The following OGDH variants were observed in gnomAD, a reference collection of about 807,000 sequenced individuals.
The protein encoded by OGDH is oxoglutarate dehydrogenase.
A neutral mutation model predicts 116.6 loss-of-function variants in OGDH; 38 were observed. The ratio of observed to expected loss-of-function variants is 0.33; its 90% confidence interval spans 0.25 to 0.43. OGDH has a LOEUF of 0.43. Among genes scored for constraint, OGDH ranks in the 20% least tolerant of loss-of-function variants. The pLI is 1.00. For missense variants in OGDH, 825 were observed against 1,357.2 expected (o/e 0.61, Z 6.16); for synonymous variants, 488 against 533.3 (o/e 0.92, Z 1.17).
chr7:44,632,712 G>A (rs915714299), intron 2 of OGDH, among the ~76,000 whole-genome samples: 4 of 151,836 alleles, frequency 2.6e-5, no homozygotes, highest in African/African-American at 4.8e-5. Context: ...CCGCCTCCCC[G>A]GGTTCAAGTG....
intron 5 of OGDH, 69 bp from the exon 6 acceptor site, chr7:44,673,718 A>T: frequency 6.7e-7 from 1 of 1,491,118 alleles, no homozygotes; most frequent in Non-Finnish European, 9.3e-7. Flanking sequence ...CTGAATGGGC[A>T]GTCGGCAGTC....
intron 2 of OGDH, among the ~76,000 whole-genome samples, chr7:44,626,342 C>CCT (rs1562620008): frequency 2.0e-5 from 3 of 151,016 alleles, no homozygotes; most frequent in Admixed American, 6.6e-5. Context: ...CCCCTACACA[C>CCT]ACACACACAC....
In OGDH at chr7:44,624,456, G is replaced by T; in HGVS notation, c.113G>T (p.Arg38Leu). 1 of 1,613,442 alleles carries T rather than the reference G, an allele frequency of 6.2e-7. No individual in the cohort carries two copies. Among genetic ancestry groups the T allele is most frequent in the South Asian group, 1.1e-5 (1 of 91,010 alleles). Residue 38 changes from arginine (R) to leucine (L), a missense_variant, in exon 2 of 23, where the codon CGG becomes CTG. Arg to Leu is a moderately radical substitution (Grantham distance 102). Transcript: ENST00000222673. ...GCAGCTAGGACATTTCAACAGATTC[G>T]GTGCTATTCTGCACCTGTTGCTGCT... Reference protein sequence around the residue: ...PAAARTFQQIRCYSAPVAAEP... With the variant: ...PAAARTFQQILCYSAPVAAEP...
chr7:44,677,607 G>A (rs1402914488), intron 9 of OGDH, among the ~76,000 whole-genome samples: 6 of 152,040 alleles, frequency 3.9e-5, no homozygotes, highest in African/African-American at 1.2e-4. Context: ...GGTGGCTCAC[G>A]CCTGTAATCC....
At chr7:44,610,913 T>G (rs990583938) in intron 1 of OGDH, among the ~76,000 whole-genome samples, 2 of 152,176 alleles carry the variant, frequency 1.3e-5, no homozygotes. Flanking sequence ...CAGCCCCTTT[T>G]CATCTTCTTA....
At chr7:44,625,458 G>A (rs1469479010) in intron 2 of OGDH, among the ~76,000 whole-genome samples, 1 of 152,146 alleles carries the variant, frequency 6.6e-6, no homozygotes, top group African/African-American at 2.4e-5. Flanking sequence ...CCTTTATTCT[G>A]TTTTGAGCCA....
chr7:44,707,921 C>T lies in OGDH; in HGVS notation c.2994C>T (p.Asn998=). 1 of 1,613,916 alleles carries T rather than the reference C, an allele frequency of 6.2e-7. No individual in the cohort carries two copies. The highest frequency in any genetic ancestry group is 8.5e-7 in the Non-Finnish European group (1 of 1,180,020). The change falls in exon 23 of 23, where the codon AAC becomes AAT. Residue 998 remains asparagine, a synonymous_variant. Transcript: ENST00000222673. The surrounding 1 kb of genome is among the most constrained non-coding windows in gnomAD (Gnocchi z 5.2). ...CAGCGGCTGCTCCAGCCACCGGCAA[C>T]AAGAAGACCCACCTGACGGAGCTGC... ...RDPAAAPATG[N]KKTHLTELQR...
chr7:44,673,659 G>C, intron 5 of OGDH, 128 bp from the exon 6 acceptor site: 1 of 899,282 alleles, frequency 1.1e-6, no homozygotes, highest in Middle Eastern at 2.9e-4. Context: ...AGTCACACTT[G>C]ATTGGAGTAC....
intron 2 of OGDH, among the ~76,000 whole-genome samples, chr7:44,641,180 C>A (rs192852973): frequency 6.1e-4 from 91 of 148,690 alleles, no homozygotes; most frequent in Non-Finnish European, 1.1e-3. Flanking sequence ...GGATTACAAG[C>A]ATGAGCCACC....
chr7:44,661,489 TTTA>T (rs1017533402), intron 4 of OGDH, among the ~76,000 whole-genome samples: 7 of 152,160 alleles, frequency 4.6e-5, no homozygotes, highest in African/African-American at 1.7e-4. Context: ...AGTGTGCCAT[TTTA>T]TTATTTATTT....
intron 2 of OGDH, among the ~76,000 whole-genome samples, chr7:44,632,034 C>T (rs1029396526): frequency 1.3e-5 from 2 of 152,252 alleles, no homozygotes. Context: ...GAGCCAGACG[C>T]AGCAAGAAAA....
intron 1 of OGDH, among the ~76,000 whole-genome samples, chr7:44,618,589 C>T (rs968440336): frequency 2.6e-5 from 4 of 152,112 alleles, no homozygotes; most frequent in African/African-American, 4.8e-5. Context: ...AAGTATTTCT[C>T]CTTGGTTCCT....
chr7:44,702,560 C>A (rs1027890249), intron 20 of OGDH, among the ~76,000 whole-genome samples: 37 of 151,864 alleles, frequency 2.4e-4, no homozygotes, highest in African/African-American at 8.9e-4. Flanking sequence ...GGGTTTTTTC[C>A]CAATCTTTTT....
In OGDH at chr7:44,686,696, T is replaced by G. The variant is rs530930391; in HGVS notation, c.1335+4848T>G. On this transcript the variant is annotated intron_variant, in intron 10 of 22. Transcript: ENST00000222673. Reference sequence around the variant, plus strand: ...TTTTTATTTTCTTTTTTTCTTTTTTTTTTTTTTTTTGAGACGGAGTCTTGC... The same window carrying G: ...TTTTTATTTTCTTTTTTTCTTTTTTGTTTTTTTTTTGAGACGGAGTCTTGC... Among the ~76,000 whole-genome samples the G allele has an allele frequency of 2.9e-3, 433 of 149,962 alleles. 2 individuals carry two copies. The highest frequency in any genetic ancestry group is 0.01 in the African/African-American group (419 of 40,972).
intron 9 of OGDH, among the ~76,000 whole-genome samples, chr7:44,680,529 T>A (rs1361123987): frequency 6.9e-6 from 1 of 144,958 alleles, no homozygotes; most frequent in Non-Finnish European, 1.5e-5. Flanking sequence ...AAACTCATAG[T>A]TTTATTGCAT....
chr7:44,657,942 A>G (rs1786766675), intron 4 of OGDH, among the ~76,000 whole-genome samples: 1 of 152,164 alleles, frequency 6.6e-6, no homozygotes, highest in African/African-American at 2.4e-5. Flanking sequence ...GCCAAAAATC[A>G]GTTGGACTTA....
At position 44,706,601 on chromosome 7, in the gene OGDH, C is replaced by T. The variant is rs1260997592; in HGVS notation, c.2633-624C>T. Among the ~76,000 whole-genome samples, 3 of 148,694 alleles carry T rather than the reference C, an allele frequency of 2.0e-5. No individual in the cohort carries two copies. The South Asian group carries it at 6.4e-4, about 32-fold the overall frequency. On this transcript the variant is annotated intron_variant, in intron 20 of 22. Coordinates refer to ENST00000222673, the MANE Select transcript of OGDH (RefSeq NM_002541.4). Reference sequence around the variant, plus strand: ...CTCCCAAAGTGCTGGGATTTACAGGCGTGAGCCATGCGCCCGGCTGGTATT... The same window carrying T: ...CTCCCAAAGTGCTGGGATTTACAGGTGTGAGCCATGCGCCCGGCTGGTATT...
At chr7:44,650,582 A>G (rs1050881131) in intron 4 of OGDH, among the ~76,000 whole-genome samples, 5 of 152,220 alleles carry the variant, frequency 3.3e-5, no homozygotes, top group African/African-American at 9.6e-5. Flanking sequence ...ACTCTCTGAT[A>G]ATAAGATAAA....
chr7:44,640,691 G>T (rs1384673793), intron 2 of OGDH, among the ~76,000 whole-genome samples: 1 of 152,006 alleles, frequency 6.6e-6, no homozygotes, highest in Non-Finnish European at 1.5e-5. Context: ...TGTTTTAGGG[G>T]TTTAATAAAG....
Sources: gnomAD v4.1 joint callset for allele counts (sites outside exome capture counted in the v4.1 genomes callset) on GRCh38, gnomAD v4.1.1 for gene constraint, Gnocchi (gnomAD v3.1) non-coding constraint, MANE v1.5 for transcripts, NCBI Gene and HGNC (gene_info 2026-07-23, HGNC 2026-07-21) for gene names.